The following CCNYL1 variants were observed in gnomAD, a reference collection of about 807,000 sequenced individuals.
CCNYL1 encodes the protein cyclin-Y-like protein 1.
A neutral mutation model predicts 44.2 loss-of-function variants in CCNYL1; 16 were observed. The observed-to-expected ratio is 0.36, with a 90% CI of 0.25 to 0.55. The LOEUF is 0.55. CCNYL1 is among the 20% of genes least tolerant of loss of function. The pLI is 0.85. For synonymous variants in CCNYL1, 159 were observed against 163.2 expected (o/e 0.97, Z 0.20); for missense variants, 348 against 451.8 (o/e 0.77, Z 2.08).
At chr2:207,747,575 G>A (rs2091863251) in intron 8 of CCNYL1, among the ~76,000 whole-genome samples, 1 of 152,198 alleles carries the variant, frequency 6.6e-6, no homozygotes, top group Admixed American at 6.5e-5. Context: ...TTGAGACGGA[G>A]TCTTGCTCGG....
chr2:207,734,627 A>G (rs1159787689), intron 4 of CCNYL1, among the ~76,000 whole-genome samples: 1 of 152,220 alleles, frequency 6.6e-6, no homozygotes, highest in Non-Finnish European at 1.5e-5. Context: ...GAAACTATTA[A>G]CATCTCCTTG....
At chr2:207,747,430 G>T (rs1478026617) in intron 8 of CCNYL1, among the ~76,000 whole-genome samples, 6 of 151,904 alleles carry the variant, frequency 3.9e-5, no homozygotes, top group Non-Finnish European at 2.9e-5. Flanking sequence ...TCATTACTTG[G>T]TAGGTTTTGA....
At chr2:207,737,668 G>T (rs2091775839) in intron 5 of CCNYL1, among the ~76,000 whole-genome samples, 1 of 150,738 alleles carries the variant, frequency 6.6e-6, no homozygotes, top group African/African-American at 2.5e-5. Flanking sequence ...GATATTTATT[G>T]CATTAGAAAT....
intron 6 of CCNYL1, among the ~76,000 whole-genome samples, chr2:207,741,038 G>A (rs952098567): frequency 6.6e-6 from 1 of 151,972 alleles, no homozygotes; most frequent in African/African-American, 2.4e-5. Context: ...GGCGGATCAC[G>A]AGGTCAGGAG....
chr2:207,715,968 G>A (rs1243056960), intron 1 of CCNYL1, among the ~76,000 whole-genome samples: 1 of 152,136 alleles, frequency 6.6e-6, no homozygotes, highest in Non-Finnish European at 1.5e-5. Flanking sequence ...GAGCCACCAC[G>A]CCTGGTCTCG....
chr2:207,729,916 G>A lies in CCNYL1; in HGVS notation c.330+3040G>A, dbSNP rs375577425. ...TTTTTAGTAGAGACAGGGTTTTGCC[G>A]TATTAGCCAAGCTGGTCTCGAGCTC... is the stretch of plus-strand genomic sequence containing the variant. On this transcript the variant is annotated intron_variant, in intron 3 of 9. Coordinates refer to ENST00000295414, the MANE Select transcript of CCNYL1 (RefSeq NM_001330218.2). Among the ~76,000 whole-genome samples the A allele has an allele frequency of 3.2e-4, 49 of 151,550 alleles. 1 individual carries two copies. Among genetic ancestry groups the A allele is most frequent in the South Asian group, 1.9e-3 (9 of 4,798 alleles).
At chr2:207,712,445 T>C (rs1046165543) in intron 1 of CCNYL1, among the ~76,000 whole-genome samples, 1 of 152,206 alleles carries the variant, frequency 6.6e-6, no homozygotes, top group East Asian at 1.9e-4. Flanking sequence ...TTGGGGTATA[T>C]TGTTTTCCTT....
At chr2:207,713,038 A>T (rs2091564015) in intron 1 of CCNYL1, among the ~76,000 whole-genome samples, 1 of 151,422 alleles carries the variant, frequency 6.6e-6, no homozygotes. Context: ...CTGGTCTCTA[A>T]CTCCAGAGTT....
In CCNYL1 at chr2:207,722,663, A is replaced by C. The variant is rs189414517; in HGVS notation, c.221-2137A>C. ...AAAGGAAGTAGTCATGAATCCTTTT[A>C]GAAGCTTTAGGTAGAGGCTGGGTGT... is the stretch of plus-strand genomic sequence containing the variant. On this transcript the variant is annotated intron_variant, in intron 1 of 9. Transcript: ENST00000295414. Among the ~76,000 whole-genome samples, 3 of 152,270 alleles carry C rather than the reference A, an allele frequency of 2.0e-5. No homozygotes were observed. In the East Asian group the frequency reaches 5.8e-4, roughly 29 times the overall value.
chr2:207,743,359 A>G (rs538013727), intron 7 of CCNYL1, among the ~76,000 whole-genome samples: 1 of 152,304 alleles, frequency 6.6e-6, no homozygotes, highest in South Asian at 2.1e-4. Context: ...GTGTCCAATA[A>G]TCATTTGAAT....
chr2:207,733,106 A>G (rs1306931694), intron 3 of CCNYL1, among the ~76,000 whole-genome samples: 3 of 152,156 alleles, frequency 2.0e-5, no homozygotes, highest in Non-Finnish European at 4.4e-5. Flanking sequence ...GCTGCGGGCA[A>G]AGGGATCCCA....
At chr2:207,741,656 C>T (rs1194003877) in intron 6 of CCNYL1, among the ~76,000 whole-genome samples, 2 of 151,842 alleles carry the variant, frequency 1.3e-5, no homozygotes, top group Non-Finnish European at 2.9e-5. Context: ...ACCAGCCTGG[C>T]CAGCATGGTG....
chr2:207,718,614 A>G (rs981737991), intron 1 of CCNYL1, among the ~76,000 whole-genome samples: 2 of 152,244 alleles, frequency 1.3e-5, no homozygotes, highest in African/African-American at 4.8e-5. Context: ...CACACTTAAG[A>G]GAAATACAAA....
At chr2:207,736,946 C>T (rs1440340684) in intron 4 of CCNYL1, among the ~76,000 whole-genome samples, 1 of 149,584 alleles carries the variant, frequency 6.7e-6, no homozygotes, top group African/African-American at 2.5e-5. Context: ...GACGGAGTCT[C>T]GCTCTGTCGC....
intron 3 of CCNYL1, among the ~76,000 whole-genome samples, chr2:207,733,697 A>G (rs1357690334): frequency 6.6e-6 from 1 of 152,192 alleles, no homozygotes; most frequent in Non-Finnish European, 1.5e-5. Context: ...GGAATGCATA[A>G]CAGATGCTTG....
At chr2:207,715,311 G>T (rs1275444895) in intron 1 of CCNYL1, among the ~76,000 whole-genome samples, 3 of 146,914 alleles carry the variant, frequency 2.0e-5, no homozygotes, top group Admixed American at 6.8e-5. Context: ...CTACAATGAA[G>T]AATTATTTTT....
chr2:207,712,787 G>A (rs1008571352), intron 1 of CCNYL1, among the ~76,000 whole-genome samples: 13 of 152,178 alleles, frequency 8.5e-5, no homozygotes, highest in Non-Finnish European at 1.5e-4. Context: ...ACTGTGAAGG[G>A]TGTGAGAGGT....
In CCNYL1 at chr2:207,728,108, C is replaced by T. The variant is rs573591460; in HGVS notation, c.330+1232C>T. On this transcript the variant is annotated intron_variant, in intron 3 of 9. Transcript: ENST00000295414. ...CCTCCCAAGTAGCTGGTATTACAGG[C>T]GCCTGCCACCACGCCCAGCTAATTT... Among the ~76,000 whole-genome samples, 8 of 152,072 alleles carry T rather than the reference C, an allele frequency of 5.3e-5. No homozygotes were observed. The East Asian group carries it at 7.7e-4, about 15-fold the overall frequency.
intron 3 of CCNYL1, among the ~76,000 whole-genome samples, chr2:207,731,289 C>T (rs2091724109): frequency 6.6e-6 from 1 of 151,844 alleles, no homozygotes; most frequent in African/African-American, 2.4e-5. Flanking sequence ...AGGAGTTCAA[C>T]AGGTACTTTA....
Sources: gnomAD v4.1 joint callset for allele counts (sites outside exome capture counted in the v4.1 genomes callset) on GRCh38, gnomAD v4.1.1 for gene constraint, MANE v1.5 for transcripts, NCBI Gene and HGNC (gene_info 2026-07-23, HGNC 2026-07-21) for gene names.